The following MISP variants were observed in gnomAD, a reference collection of about 807,000 sequenced individuals.
The protein encoded by MISP is mitotic interactor and substrate of PLK1.
Under a neutral mutation model 49.3 loss-of-function variants are expected in MISP, and 51 were observed. The observed-to-expected ratio is 1.03, with a 90% CI of 0.83 to 1.31. MISP has a LOEUF of 1.31. Among genes scored for constraint, MISP ranks in the 50% most tolerant of loss-of-function variants. The pLI, the probability that MISP is intolerant of heterozygous loss-of-function variation, is 0.00. For synonymous variants in MISP, 444 were observed against 392.6 expected (o/e 1.13, Z -1.55); for missense variants, 1,084 against 935.1 (o/e 1.16, Z -2.08).
At chr19:763,068 T>C (rs1408470129) in intron 4 of MISP, among the ~76,000 whole-genome samples, 1 of 152,042 alleles carries the variant, frequency 6.6e-6, no homozygotes, top group Non-Finnish European at 1.5e-5. Context: ...GGCGGGAGGA[T>C]CATGAGGTCA....
chr19:761,683 C>G lies in MISP; in HGVS notation c.1950+20C>G. The G allele has an allele frequency of 6.2e-7, 1 of 1,613,902 alleles. No homozygotes were observed. Among genetic ancestry groups the G allele is most frequent in the Non-Finnish European group, 8.5e-7 (1 of 1,179,826 alleles). ...TCAGAGGTGAGTATGCTCCTGGGCACGAAGACTCAAGTCTTTCCCCCCCAC... is the reference window on the plus strand; with the variant it reads ...TCAGAGGTGAGTATGCTCCTGGGCAGGAAGACTCAAGTCTTTCCCCCCCAC... On this transcript the variant is annotated intron_variant, in intron 4 of 4. Transcript: ENST00000215582.
chr19:753,622 C>T (rs1391064726), intron 1 of MISP, among the ~76,000 whole-genome samples: 3 of 151,872 alleles, frequency 2.0e-5, no homozygotes, highest in Non-Finnish European at 4.4e-5. Flanking sequence ...CTCCTGACCT[C>T]GTGATCCGCC....
At position 763,564 on chromosome 19, in the gene MISP, A is replaced by C; in HGVS notation, c.2014A>C (p.Ile672Leu). 6.2e-7 allele frequency: 1 copy of C among 1,613,980 alleles called. No individual in the cohort carries two copies. Among genetic ancestry groups the C allele is most frequent in the Non-Finnish European group, 8.5e-7 (1 of 1,179,960 alleles). The change falls in exon 5 of 5, where the codon ATC becomes CTC. Residue 672 changes from isoleucine (I) to leucine (L), a missense_variant. Coordinates refer to ENST00000215582, the MANE Select transcript of MISP (RefSeq NM_173481.4). ...CATGGCAGAGCGCTGGGAATCCCGC[A>C]TCTACGCCAGTGAGGAGGATGACTG... ...NAMAERWESR[I>L]YASEEDD
Position 757,436 on chromosome 19 carries a change from A to G in MISP, c.490A>G (p.Thr164Ala), listed in dbSNP as rs1451872622. 2 of 1,594,536 alleles carry G rather than the reference A, an allele frequency of 1.3e-6. No homozygotes were observed. Among genetic ancestry groups the G allele is most frequent in the African/African-American group, 1.3e-5 (1 of 74,584 alleles). Reference sequence around the variant, plus strand: ...CAGCACCGTGGCCACGCTCCAGGGCACTCCTGACCACGGAGACCCCAGGAC... The same window carrying G: ...CAGCACCGTGGCCACGCTCCAGGGCGCTCCTGACCACGGAGACCCCAGGAC... ...KSSTVATLQG[T>A]PDHGDPRTPG... The change falls in exon 2 of 5, where the codon ACT (threonine) becomes GCT (alanine). Residue 164 changes from threonine to alanine, a missense_variant. Coordinates refer to ENST00000215582, the MANE Select transcript of MISP (RefSeq NM_173481.4).
chr19:761,640 C>T lies in MISP; in HGVS notation c.1927C>T (p.Pro643Ser). Residue 643 changes from proline to serine, a missense_variant, in exon 4 of 5, where the codon CCC becomes TCC. Transcript: ENST00000215582. Reference sequence around the variant, plus strand: ...TTTCCTGTAGTACGCTGGCATCAACCCCTCGGACGGTATCAACTCAGAGGT... The same window carrying T: ...TTTCCTGTAGTACGCTGGCATCAACTCCTCGGACGGTATCAACTCAGAGGT... ...KKEQWYAGIN[P>S]SDGINSEVLE... 4 of 1,614,120 alleles carry T rather than the reference C, an allele frequency of 2.5e-6. No individual in the cohort carries two copies. Among genetic ancestry groups the T allele is most frequent in the Non-Finnish European group, 3.4e-6 (4 of 1,180,018 alleles).
rs1375112572 is a variant in MISP at position 757,007 on chromosome 19, C to G, written c.61C>G (p.Leu21Val). ...CCCTCAGGCACACCGTGGCACCGGCCTGGTGCTGGATGGAGACACCAGCTA... is the reference window on the plus strand; with the variant it reads ...CCCTCAGGCACACCGTGGCACCGGCGTGGTGCTGGATGGAGACACCAGCTA... ...GIPQAHRGTG[L>V]VLDGDTSYTY... The change falls in exon 2 of 5, where the codon CTG becomes GTG. Residue 21 changes from leucine to valine, a missense_variant. By Grantham distance (32) the Leu-to-Val change is conservative. Coordinates refer to ENST00000215582, the MANE Select transcript of MISP (RefSeq NM_173481.4). 3 of 1,603,360 alleles carry G rather than the reference C, an allele frequency of 1.9e-6. No homozygotes were observed. The highest frequency in any genetic ancestry group is 2.6e-6 in the Non-Finnish European group (3 of 1,174,588).
At chr19:760,254 G>A (rs1341577404) in intron 3 of MISP, among the ~76,000 whole-genome samples, 1 of 151,818 alleles carries the variant, frequency 6.6e-6, no homozygotes, top group Non-Finnish European at 1.5e-5. Flanking sequence ...CATATAAGCT[G>A]GGGTCTTTGT....
intron 2 of MISP, among the ~76,000 whole-genome samples, chr19:759,622 G>A (rs1357389017): frequency 2.6e-5 from 4 of 151,048 alleles, no homozygotes; most frequent in African/African-American, 4.9e-5. Flanking sequence ...GGACGGTCTC[G>A]ATCTCCTGAC....
chr19:750,188 CTTTTT>C (rs71174321), upstream of MISP, among the ~76,000 whole-genome samples: 16 of 112,628 alleles, frequency 1.4e-4, no homozygotes, highest in South Asian at 9.3e-4. Flanking sequence ...TCGTGCGGTT[CTTTTT>C]TTTTTTTTTT....
upstream of MISP, among the ~76,000 whole-genome samples, chr19:749,156 C>T (rs2033421502): frequency 6.6e-6 from 1 of 152,088 alleles, no homozygotes; most frequent in Non-Finnish European, 1.5e-5. Context: ...TAAAATAGGC[C>T]TTCGGAGCCC....
Position 757,620 on chromosome 19 carries a change from C to A in MISP, c.674C>A (p.Pro225Gln). Reference sequence around the variant, plus strand: ...AGGGGGACCCCTGCAGGCACAACCCCAGGGGCCAGCCAGGCCCCCAAGGCC... The same window carrying A: ...AGGGGGACCCCTGCAGGCACAACCCAAGGGGCCAGCCAGGCCCCCAAGGCC... ...PARGTPAGTT[P>Q]GASQAPKAFN... The change falls in exon 2 of 5, where the codon CCA (proline) becomes CAA (glutamine). Residue 225 changes from proline to glutamine, a missense_variant. By Grantham distance (76) the Pro-to-Gln change is moderately conservative. Transcript: ENST00000215582. The A allele has an allele frequency of 1.9e-6, 3 of 1,612,576 alleles. No individual in the cohort carries two copies. Among genetic ancestry groups the A allele is most frequent in the Non-Finnish European group, 2.5e-6 (3 of 1,179,600 alleles).
chr19:758,621 C>G lies in MISP; in HGVS notation c.1675C>G (p.Gln559Glu). The G allele has an allele frequency of 1.2e-6, 2 of 1,614,234 alleles. No individual in the cohort carries two copies. Among genetic ancestry groups the G allele is most frequent in the Non-Finnish European group, 1.7e-6 (2 of 1,180,036 alleles). Reference protein sequence around the residue: ...RERESVLRREQEVAEERRNAL... With the variant: ...RERESVLRREEEVAEERRNAL... Reference sequence around the variant, plus strand: ...GAGGGAGAGTGTCCTGCGCCGGGAGCAAGAGGTGGCAGAGGAGCGGAGAAA... The same window carrying G: ...GAGGGAGAGTGTCCTGCGCCGGGAGGAAGAGGTGGCAGAGGAGCGGAGAAA... The change falls in exon 2 of 5, where the codon CAA becomes GAA. Residue 559 changes from glutamine (Q) to glutamate (E), a missense_variant. By Grantham distance (29) the Gln-to-Glu change is conservative. Transcript: ENST00000215582.
At chr19:763,085 C>T (rs907679929) in intron 4 of MISP, among the ~76,000 whole-genome samples, 2 of 152,036 alleles carry the variant, frequency 1.3e-5, no homozygotes, top group Non-Finnish European at 2.9e-5. Flanking sequence ...GTCAGGAGAT[C>T]GAGACCATGG....
At position 757,717 on chromosome 19, in the gene MISP, A is replaced by G; in HGVS notation, c.771A>G (p.Glu257=). ...CCCAGGTGAAGGGGGTGGTCAGGGAAGAGAACAAGGTGCGTGCTGTGCCCA... is the reference window on the plus strand; with the variant it reads ...CCCAGGTGAAGGGGGTGGTCAGGGAGGAGAACAAGGTGCGTGCTGTGCCCA... ...IKPQVKGVVR[E]ENKVRAVPTW... is the part of the protein sequence containing the mutation. Residue 257 remains glutamate (E), a synonymous_variant, in exon 2 of 5, where the codon GAA becomes GAG. Coordinates refer to ENST00000215582, the MANE Select transcript of MISP (RefSeq NM_173481.4). The G allele has an allele frequency of 1.2e-6, 2 of 1,613,880 alleles. No homozygotes were observed. Among genetic ancestry groups the G allele is most frequent in the Non-Finnish European group, 1.7e-6 (2 of 1,179,974 alleles).
chr19:758,227 G>T lies in MISP; in HGVS notation c.1281G>T (p.Pro427=), dbSNP rs369172873. 1.2e-6 allele frequency: 2 copies of T among 1,613,096 alleles called. No homozygotes were observed. The highest frequency in any genetic ancestry group is 1.3e-5 in the African/African-American group (1 of 74,972). Residue 427 remains proline (P), a synonymous_variant, in exon 2 of 5, where the codon CCG becomes CCT. Transcript: ENST00000215582. ...VNRIPPDAYQ[P]YLSPGTPQLE... is the part of the protein sequence containing the mutation. ...GCATCCCACCTGATGCCTACCAGCC[G>T]TACCTGAGCCCCGGGACCCCCCAGC...
At chr19:753,866 T>C (rs973192321) in intron 1 of MISP, among the ~76,000 whole-genome samples, 2 of 151,758 alleles carry the variant, frequency 1.3e-5, no homozygotes, top group Non-Finnish European at 2.9e-5. Context: ...AACCTCCACC[T>C]CACAGGTTCA....
At chr19:755,952 C>T (rs1272593777) in intron 1 of MISP, among the ~76,000 whole-genome samples, 1 of 151,324 alleles carries the variant, frequency 6.6e-6, no homozygotes, top group African/African-American at 2.4e-5. Flanking sequence ...AAAATCAAGG[C>T]TGAGCTGGAC....
In MISP at chr19:757,197, C is replaced by T. The variant is rs141160817; in HGVS notation, c.251C>T (p.Ser84Leu). 1.2e-3 allele frequency: 1,890 copies of T among 1,613,584 alleles called. 6 individuals are homozygous for T. The highest frequency in any genetic ancestry group is 1.4e-3 in the Non-Finnish European group (1,637 of 1,179,968). The change falls in exon 2 of 5, where the codon TCG becomes TTG. Residue 84 changes from serine to leucine, a missense_variant. Ser to Leu is a moderately radical substitution (Grantham distance 145). Coordinates refer to ENST00000215582, the MANE Select transcript of MISP (RefSeq NM_173481.4). ...TGQPSPRGLH[S>L]ENREDEGWQV... ...CAGCCGTCCCCACGGGGGCTCCACT[C>T]GGAGAACAGGGAGGATGAGGGTTGG...
Position 763,606 on chromosome 19 carries a change from G to GCCCAC in MISP, c.*20_*24dup. On this transcript the variant is annotated 3_prime_UTR_variant, in exon 5 of 5. Coordinates refer to ENST00000215582, the MANE Select transcript of MISP (RefSeq NM_173481.4). ...GGATGACTGAGCCTCGGGATGGGGC[G>GCCCAC]CCCACCCCCTGCCCTGCCCTGACCC... 1 of 1,585,848 alleles carries GCCCAC rather than the reference G, an allele frequency of 6.3e-7. No homozygotes were observed. Among genetic ancestry groups the GCCCAC allele is most frequent in the African/African-American group, 1.3e-5 (1 of 74,354 alleles).
Sources: gnomAD v4.1 joint callset for allele counts (sites outside exome capture counted in the v4.1 genomes callset) on GRCh38, gnomAD v4.1.1 for gene constraint, MANE v1.5 for transcripts, NCBI Gene and HGNC (gene_info 2026-07-23, HGNC 2026-07-21) for gene names.